SLC44A3: variants seen among roughly 807,000 people sequenced by gnomAD.
SLC44A3 encodes choline transporter-like protein 3.
SLC44A3 carries 74 observed loss-of-function variants against 75.4 expected under a neutral mutation model. The observed-to-expected ratio is 0.98, with a 90% CI of 0.81 to 1.19. SLC44A3 has a LOEUF of 1.19. Ranked by LOEUF, SLC44A3 falls within the 50% of genes most tolerant of loss-of-function variation. The pLI is 0.00. For synonymous variants in SLC44A3, 310 were observed against 296.9 expected (o/e 1.04, Z -0.45); for missense variants, 700 against 778.6 (o/e 0.90, Z 1.20).
intron 12 of SLC44A3, among the ~76,000 whole-genome samples, chr1:94,879,621 C>T (rs1390675781): frequency 7.4e-5 from 11 of 149,374 alleles, no homozygotes; most frequent in African/African-American, 2.7e-4. Context: ...GGGCAGATCA[C>T]GAGGTCAGGA....
intron 1 of SLC44A3, chr1:94,820,691 C>A: frequency 7.2e-7 from 1 of 1,379,552 alleles, no homozygotes; most frequent in Non-Finnish European, 9.3e-7. Flanking sequence ...CCGCGGGGCG[C>A]AAACTTGGGG....
At chr1:94,870,810 G>A (rs12736926) in intron 12 of SLC44A3, among the ~76,000 whole-genome samples, 42,932 of 152,082 alleles carry the variant, frequency 0.28, 6,299 homozygotes, top group Admixed American at 0.34. Context: ...ATCCTCCGGA[G>A]TAGCTGGGAC....
intron 12 of SLC44A3, among the ~76,000 whole-genome samples, chr1:94,876,780 A>G (rs1332267160): frequency 6.6e-6 from 1 of 152,164 alleles, no homozygotes; most frequent in South Asian, 2.1e-4. Context: ...CCTGATTTCT[A>G]ACTTTGAGTT....
intron 7 of SLC44A3, 87 bp from the exon 8 acceptor site, chr1:94,841,913 G>A (rs1663700127): frequency 1.3e-6 from 2 of 1,492,166 alleles, no homozygotes; most frequent in East Asian, 2.5e-5. Context: ...GGTGGGCAGT[G>A]GCTGGACTTC....
At chr1:94,842,677 C>A (rs1180968820) in intron 8 of SLC44A3, among the ~76,000 whole-genome samples, 1 of 152,360 alleles carries the variant, frequency 6.6e-6, no homozygotes, top group East Asian at 1.9e-4. Context: ...TCATTCAGGA[C>A]CCTCTCCAGG....
At chr1:94,874,609 T>C (rs998157992) in intron 12 of SLC44A3, among the ~76,000 whole-genome samples, 2 of 152,170 alleles carry the variant, frequency 1.3e-5, no homozygotes, top group Non-Finnish European at 2.9e-5. Context: ...GGCAATTGAG[T>C]GGTCAGTGCA....
chr1:94,871,697 G>C (rs1290648019), intron 12 of SLC44A3, among the ~76,000 whole-genome samples: 1 of 152,190 alleles, frequency 6.6e-6, no homozygotes, highest in Non-Finnish European at 1.5e-5. Context: ...GTTCCAAACT[G>C]ATCTGAACAT....
At chr1:94,826,863 C>T (rs2100935807) in intron 3 of SLC44A3, among the ~76,000 whole-genome samples, 1 of 152,260 alleles carries the variant, frequency 6.6e-6, no homozygotes, top group East Asian at 1.9e-4. Context: ...CTCTGCCATT[C>T]CTGGGGTCTT....
intron 12 of SLC44A3, among the ~76,000 whole-genome samples, chr1:94,872,490 A>G (rs1281740173): frequency 6.6e-6 from 1 of 151,994 alleles, no homozygotes; most frequent in Non-Finnish European, 1.5e-5. Flanking sequence ...GGGAATGGGT[A>G]TAGGCAATGA....
chr1:94,879,226 A>AAC (rs1557879422), intron 12 of SLC44A3, among the ~76,000 whole-genome samples: 1 of 148,130 alleles, frequency 6.8e-6, no homozygotes, highest in East Asian at 2.0e-4. Flanking sequence ...AAAAAAAAAA[A>AAC]CCCGATTTTA....
intron 12 of SLC44A3, among the ~76,000 whole-genome samples, chr1:94,887,597 T>C (rs1249956653): frequency 6.6e-6 from 1 of 152,208 alleles, no homozygotes; most frequent in Non-Finnish European, 1.5e-5. Context: ...GAGCGAAATC[T>C]GTTTTTACTA....
intron 5 of SLC44A3, among the ~76,000 whole-genome samples, chr1:94,833,158 A>C (rs1662349815): frequency 6.6e-6 from 1 of 152,076 alleles, no homozygotes; most frequent in Non-Finnish European, 1.5e-5. Flanking sequence ...GCTTGCTGAA[A>C]CAGGTTTTGT....
intron 5 of SLC44A3, 114 bp downstream of exon 5, chr1:94,828,700 T>G: frequency 8.1e-6 from 7 of 863,162 alleles, no homozygotes; most frequent in Non-Finnish European, 1.1e-5. Flanking sequence ...AGCCCCTGCC[T>G]GCAGGGAGCT....
chr1:94,840,223 A>T (rs1445554080), intron 7 of SLC44A3, among the ~76,000 whole-genome samples, 186 bp downstream of exon 7: 1 of 151,568 alleles, frequency 6.6e-6, no homozygotes, highest in African/African-American at 2.4e-5. Flanking sequence ...TCTCACAGAC[A>T]GTGCAAAGTT....
intron 12 of SLC44A3, among the ~76,000 whole-genome samples, chr1:94,889,669 AAC>A (rs984696383): frequency 2.0e-5 from 3 of 152,320 alleles, no homozygotes; most frequent in African/African-American, 7.2e-5. Context: ...AAACATTTGA[AAC>A]AGTCAACATG....
intron 9 of SLC44A3, among the ~76,000 whole-genome samples, chr1:94,852,936 C>A (rs1253120709): frequency 6.6e-6 from 1 of 152,112 alleles, no homozygotes; most frequent in Non-Finnish European, 1.5e-5. Context: ...TCTTTTAGAC[C>A]ACCAGATGGA....
chr1:94,890,132 G>A (rs1050193599), intron 12 of SLC44A3, among the ~76,000 whole-genome samples: 4 of 152,328 alleles, frequency 2.6e-5, no homozygotes, highest in East Asian at 1.9e-4. Flanking sequence ...TTACAGGCAT[G>A]AGCCACGGCA....
Position 94,837,865 on chromosome 1 carries a change from G to A in SLC44A3, c.664G>A (p.Ala222Thr), listed in dbSNP as rs559612480. Residue 222 changes from alanine (A) to threonine (T), a missense_variant, in exon 6 of 15, where the codon GCA becomes ACA. Transcript: ENST00000271227. ...TACAATCCTTGGCCTGTGTATCCTC[G>A]CATTAGGTAATTCTCAGTTAAGTTA... is the stretch of plus-strand genomic sequence containing the variant. Reference protein sequence around the residue: ...RDTILGLCILALALSLAMMFT... With the variant: ...RDTILGLCILTLALSLAMMFT... 2.6e-5 allele frequency: 42 copies of A among 1,589,534 alleles called. No homozygotes were observed. Among genetic ancestry groups the A allele is most frequent in the Admixed American group, 1.1e-4 (6 of 53,716 alleles).
intron 12 of SLC44A3, among the ~76,000 whole-genome samples, chr1:94,869,130 C>T (rs1667486732): frequency 6.6e-6 from 1 of 152,248 alleles, no homozygotes; most frequent in East Asian, 1.9e-4. Flanking sequence ...CCTCTGGTCC[C>T]ATTTTCACAT....
Sources: gnomAD v4.1 joint callset for allele counts (sites outside exome capture counted in the v4.1 genomes callset) on GRCh38, gnomAD v4.1.1 for gene constraint, MANE v1.5 for transcripts, NCBI Gene and HGNC (gene_info 2026-07-23, HGNC 2026-07-21) for gene names.